The following REV3L variants were observed in gnomAD, a reference collection of about 807,000 sequenced individuals.
The protein encoded by REV3L is DNA polymerase zeta catalytic subunit.
Under a neutral mutation model 299.4 loss-of-function variants are expected in REV3L, and 69 were observed. The observed-to-expected ratio is 0.23, with a 90% CI of 0.19 to 0.28. REV3L has a LOEUF of 0.28. Ranked by LOEUF, REV3L falls within the 10% of genes least tolerant of loss-of-function variation. REV3L has a pLI of 1.00. For missense variants in REV3L, 3,128 were observed against 3,693.8 expected (o/e 0.85, Z 3.97); for synonymous variants, 1,238 against 1,271.4 (o/e 0.97, Z 0.56).
At chr6:111,389,640 C>T (rs191143661) in intron 6 of REV3L, among the ~76,000 whole-genome samples, 36 of 151,290 alleles carry the variant, frequency 2.4e-4, no homozygotes, top group Admixed American at 2.4e-3. Context: ...AAGCAATCTT[C>T]ATAACATTTT....
intron 1 of REV3L, among the ~76,000 whole-genome samples, chr6:111,434,410 C>T (rs1290103887): frequency 1.3e-5 from 2 of 151,540 alleles, no homozygotes; most frequent in Non-Finnish European, 2.9e-5. Context: ...GTCAGGAGAT[C>T]GAGACCATCC....
At chr6:111,332,262 A>G (rs982194686) in intron 23 of REV3L, among the ~76,000 whole-genome samples, 12 of 152,108 alleles carry the variant, frequency 7.9e-5, no homozygotes, top group East Asian at 3.9e-4. Flanking sequence ...TAGTAGAGAC[A>G]GGGTTTCCTC....
chr6:111,430,538 G>A, intron 1 of REV3L: 1 of 1,572,508 alleles, frequency 6.4e-7, no homozygotes, highest in South Asian at 1.1e-5. Context: ...AAAGAATTCA[G>A]AGCCTGAAGC....
At chr6:111,440,652 G>T (rs1346099673) in intron 1 of REV3L, among the ~76,000 whole-genome samples, 1 of 152,062 alleles carries the variant, frequency 6.6e-6, no homozygotes, top group Non-Finnish European at 1.5e-5. Flanking sequence ...GAAAATAAAA[G>T]ATTTTACCTT....
At chr6:111,431,162 A>G in intron 1 of REV3L, 1 of 1,556,034 alleles carries the variant, frequency 6.4e-7, no homozygotes, top group South Asian at 1.1e-5. Context: ...AGCAGCCATG[A>G]GTTTTTGGCC....
intron 24 of REV3L, 23 bp from the exon 25 acceptor site, chr6:111,329,761 T>A (rs1342287328): frequency 6.5e-7 from 1 of 1,542,296 alleles, no homozygotes; most frequent in Non-Finnish European, 8.9e-7. Context: ...AAAAAAATGT[T>A]TAAAACCCCT....
At chr6:111,443,268 C>T (rs954138024) in intron 1 of REV3L, among the ~76,000 whole-genome samples, 1 of 152,040 alleles carries the variant, frequency 6.6e-6, no homozygotes, top group African/African-American at 2.4e-5. Context: ...CATGCCTCAG[C>T]CTTCCGAGTA....
chr6:111,384,060 T>A (rs1781095791), intron 9 of REV3L, among the ~76,000 whole-genome samples: 1 of 152,156 alleles, frequency 6.6e-6, no homozygotes, highest in Non-Finnish European at 1.5e-5. Context: ...TGCAGAAGAA[T>A]GAAACTAGAC....
chr6:111,391,115 G>A (rs1432439454), intron 5 of REV3L, among the ~76,000 whole-genome samples: 1 of 151,124 alleles, frequency 6.6e-6, no homozygotes, highest in Non-Finnish European at 1.5e-5. Context: ...GCCCAGGCTG[G>A]AGTGCACTGG....
chr6:111,344,353 T>TGACA (rs10636228), intron 20 of REV3L, among the ~76,000 whole-genome samples: 64,910 of 151,748 alleles, frequency 0.43, 16,310 homozygotes, highest in South Asian at 0.59. Flanking sequence ...ATATACATAT[T>TGACA]GACAGAAGCA....
At chr6:111,440,159 G>A (rs983717676) in intron 1 of REV3L, among the ~76,000 whole-genome samples, 4 of 151,938 alleles carry the variant, frequency 2.6e-5, no homozygotes, top group East Asian at 1.9e-4. Flanking sequence ...CACCGCCTCC[G>A]GGGTTCAAGT....
At chr6:111,338,619 G>A (rs240954) in intron 21 of REV3L, among the ~76,000 whole-genome samples, 64,917 of 151,352 alleles carry the variant, frequency 0.43, 16,383 homozygotes, top group South Asian at 0.59. Context: ...ATGAAGTACA[G>A]AAGTTTGTTT....
intron 19 of REV3L, 68 bp downstream of exon 19, chr6:111,351,608 A>G: frequency 7.9e-7 from 1 of 1,259,626 alleles, no homozygotes; most frequent in Non-Finnish European, 1.1e-6. Context: ...ACTCTTTAAC[A>G]TTCTGTCTTT....
intron 5 of REV3L, among the ~76,000 whole-genome samples, chr6:111,392,534 G>T: frequency 6.6e-6 from 1 of 151,874 alleles, no homozygotes; most frequent in African/African-American, 2.4e-5. Flanking sequence ...TTAGATTTTT[G>T]TTTTAAATTA....
chr6:111,425,911 A>T (rs1201899417), intron 1 of REV3L, among the ~76,000 whole-genome samples: 1 of 152,212 alleles, frequency 6.6e-6, no homozygotes, highest in Non-Finnish European at 1.5e-5. Flanking sequence ...AAAATGAAAA[A>T]TTTACAAGAG....
At chr6:111,462,875 G>T (rs1053560431) in intron 1 of REV3L, among the ~76,000 whole-genome samples, 4 of 151,734 alleles carry the variant, frequency 2.6e-5, no homozygotes, top group Non-Finnish European at 5.9e-5. Flanking sequence ...ACCCCGTTAG[G>T]CCTAACTAGA....
intron 1 of REV3L, among the ~76,000 whole-genome samples, chr6:111,427,986 T>C (rs1480694295): frequency 6.7e-6 from 1 of 149,106 alleles, no homozygotes; most frequent in African/African-American, 2.5e-5. Flanking sequence ...AGAGGTTAGG[T>C]GCTGAAAAGG....
chr6:111,420,585 C>G (rs781232556), intron 1 of REV3L, among the ~76,000 whole-genome samples: 2 of 152,150 alleles, frequency 1.3e-5, no homozygotes, highest in Non-Finnish European at 2.9e-5. Context: ...GAAATAAGAT[C>G]GTCTGTGGCT....
chr6:111,434,093 G>T (rs1204171177), intron 1 of REV3L, among the ~76,000 whole-genome samples: 1 of 152,158 alleles, frequency 6.6e-6, no homozygotes, highest in Non-Finnish European at 1.5e-5. Flanking sequence ...TGTACTCAAT[G>T]TGGAAATATT....
Sources: gnomAD v4.1 joint callset for allele counts (sites outside exome capture counted in the v4.1 genomes callset) on GRCh38, gnomAD v4.1.1 for gene constraint, MANE v1.5 for transcripts, NCBI Gene and HGNC (gene_info 2026-07-23, HGNC 2026-07-21) for gene names.